The following PPIP5K1 variants were observed in gnomAD, a reference collection of about 807,000 sequenced individuals.
PPIP5K1 encodes the protein inositol hexakisphosphate and diphosphoinositol-pentakisphosphate kinase 1.
A neutral mutation model predicts 27.7 loss-of-function variants in PPIP5K1; 6 were observed. The ratio of observed to expected loss-of-function variants is 0.22; its 90% CI spans 0.12 to 0.43. PPIP5K1 has a LOEUF of 0.43. Ranked by LOEUF, PPIP5K1 falls within the 20% of genes least tolerant of loss-of-function variation. PPIP5K1 has a pLI of 1.00. For missense variants in PPIP5K1, 394 were observed against 635.4 expected, an observed-to-expected ratio of 0.62 and a Z score of 4.08; for synonymous variants, 145 against 242.6, an observed-to-expected ratio of 0.60 and a Z score of 3.74.
chr15:43,558,065 CT>C (rs35463032), intron 30 of PPIP5K1, among the ~76,000 whole-genome samples: 35,436 of 137,962 alleles, frequency 0.26, 7,491 homozygotes, highest in African/African-American at 0.6. Flanking sequence ...TGCAATTATC[CT>C]TTTTTTTTTT....
At chr15:43,536,846 G>A (rs964837983) in intron 31 of PPIP5K1, among the ~76,000 whole-genome samples, 4 of 151,962 alleles carry the variant, frequency 2.6e-5, no homozygotes, top group African/African-American at 9.7e-5. Context: ...TTTTCCCTTG[G>A]TAAACATCAT....
intron 30 of PPIP5K1, chr15:43,548,499 C>T (rs1187467133): frequency 6.7e-6 from 1 of 149,354 alleles, no homozygotes; most frequent in African/African-American, 2.5e-5. Context: ...ATCTGCCTGC[C>T]TTGGCCTCCC....
intron 30 of PPIP5K1, among the ~76,000 whole-genome samples, chr15:43,554,778 G>A (rs973499528): frequency 6.6e-6 from 1 of 151,580 alleles, no homozygotes; most frequent in African/African-American, 2.4e-5. Context: ...CTTTTCATTT[G>A]TTTATAATTA....
Position 43,581,229 on chromosome 15 carries a change from T to G in PPIP5K1, c.937A>C (p.Lys313Gln), listed in dbSNP as rs2085033981. 6.2e-7 allele frequency: 1 copy of G among 1,606,752 alleles called. No individual in the cohort carries two copies. The highest frequency in any genetic ancestry group is 2.2e-5 in the East Asian group (1 of 44,642). The change falls in exon 9 of 32, where the codon AAG becomes CAG. Residue 313 changes from lysine (K) to glutamine (Q), a missense_variant and splice_region_variant. Transcript: ENST00000420765. ...AACCTCCCTGGGCCCTCCTCTACCT[T>G]GAAAGCTACGCAGACTTTCCTGGCC... ...LVARKVCVAF[K>Q]QTVCGFDLLR...
At chr15:43,545,104 G>T (rs1051274493) in intron 30 of PPIP5K1, among the ~76,000 whole-genome samples, 1 of 151,852 alleles carries the variant, frequency 6.6e-6, no homozygotes. Flanking sequence ...CGTGAACCCA[G>T]GAGGCAGAGC....
intron 30 of PPIP5K1, among the ~76,000 whole-genome samples, chr15:43,555,842 G>A (rs1306947547): frequency 2.0e-5 from 3 of 151,882 alleles, no homozygotes; most frequent in Admixed American, 2.0e-4. Flanking sequence ...CTAAGCTTGG[G>A]CAATCCACCC....
intron 30 of PPIP5K1, among the ~76,000 whole-genome samples, chr15:43,540,861 CAAA>C (rs34085400): frequency 2.7e-5 from 2 of 73,870 alleles, no homozygotes; most frequent in African/African-American, 4.7e-5. Flanking sequence ...GACTCTGTCT[CAAA>C]AAAAAAAAAA....
intron 30 of PPIP5K1, among the ~76,000 whole-genome samples, chr15:43,549,469 T>C (rs895287969): frequency 1.1e-4 from 17 of 151,066 alleles, no homozygotes; most frequent in Non-Finnish European, 2.2e-4. Context: ...AAGAACAGCC[T>C]AGGCAATATG....
intron 30 of PPIP5K1, among the ~76,000 whole-genome samples, chr15:43,551,832 TGACCTCGTGATCCGCCCATCTC>T (rs1772600306): frequency 1.3e-5 from 2 of 151,976 alleles, no homozygotes. Flanking sequence ...CTCGATCTCC[TGACCTCGTGATCCGCCCATCTC>T]GACCTCCCAA....
At chr15:43,549,074 T>TAC (rs1332787938) in intron 30 of PPIP5K1, among the ~76,000 whole-genome samples, 1 of 122,874 alleles carries the variant, frequency 8.1e-6, no homozygotes, top group East Asian at 2.3e-4. Flanking sequence ...TATATATATA[T>TAC]ATATATACAT....
chr15:43,558,746 C>A (rs374700881), intron 30 of PPIP5K1, 49 bp downstream of exon 30: 26 of 1,606,262 alleles, frequency 1.6e-5, no homozygotes, highest in Non-Finnish European at 4.2e-6. Flanking sequence ...TTCTAGGAAG[C>A]ATGGGCATGG....
intron 30 of PPIP5K1, among the ~76,000 whole-genome samples, chr15:43,555,301 G>C (rs911626168): frequency 6.6e-6 from 1 of 151,818 alleles, no homozygotes; most frequent in African/African-American, 2.4e-5. Context: ...TTTGAGACAC[G>C]GTCTCAGTCT....
chr15:43,539,178 T>TA (rs1481576193), intron 31 of PPIP5K1, among the ~76,000 whole-genome samples: 1 of 146,244 alleles, frequency 6.8e-6, no homozygotes, highest in Non-Finnish European at 1.5e-5. Flanking sequence ...GCCTGGGCAA[T>TA]AAGAGCGAAA....
intron 30 of PPIP5K1, among the ~76,000 whole-genome samples, chr15:43,551,135 T>C (rs1234869625): frequency 6.6e-6 from 1 of 152,138 alleles, no homozygotes; most frequent in Admixed American, 6.6e-5. Context: ...AGAGCGTGAG[T>C]AGACTGAGTT....
chr15:43,559,023 C>T, intron 29 of PPIP5K1, 91 bp from the exon 30 acceptor site: 1 of 1,514,274 alleles, frequency 6.6e-7, no homozygotes, highest in Non-Finnish European at 9.0e-7. Flanking sequence ...TGAGAGCCAT[C>T]AGGAGAGTCC....
intron 31 of PPIP5K1, chr15:43,537,382 G>C: frequency 3.2e-6 from 1 of 316,916 alleles, no homozygotes; most frequent in South Asian, 2.5e-5. Flanking sequence ...AGAATCAAAG[G>C]AGGCATGCTT....
At chr15:43,550,438 G>A (rs534407061) in intron 30 of PPIP5K1, among the ~76,000 whole-genome samples, 2 of 152,202 alleles carry the variant, frequency 1.3e-5, no homozygotes, top group South Asian at 2.1e-4. Context: ...GAGCCACTGC[G>A]CCCAGTCTGA....
chr15:43,539,694 T>G, intron 30 of PPIP5K1, 111 bp from the exon 31 acceptor site: 1 of 651,188 alleles, frequency 1.5e-6, no homozygotes, highest in South Asian at 2.0e-5. Context: ...CTTCCTTGGC[T>G]GAGAAGTAGC....
rs778801880 is a variant in PPIP5K1, at chr15:43,535,433, A to G, written c.3714T>C (p.Ser1238=). The G allele has an allele frequency of 6.2e-7, 1 of 1,610,156 alleles. No individual in the cohort carries two copies. The highest frequency in any genetic ancestry group is 8.5e-7 in the Non-Finnish European group (1 of 1,178,098). Residue 1238 remains serine (S), a synonymous_variant, in exon 32 of 32, where the codon TCT becomes TCC. Transcript: ENST00000420765. ...PSSTVSSAGP[S]SPTTVDGNSQ... ...AGTTACCATCTACTGTAGTAGGGGA[A>G]GAAGGACCAGCACTGGACACAGTGC...
Sources: allele counts gnomAD v4.1 joint callset (sites outside exome capture counted in the v4.1 genomes callset), GRCh38; gene constraint gnomAD v4.1.1; transcripts MANE v1.5; gene names NCBI Gene and HGNC (gene_info 2026-07-23, HGNC 2026-07-21).